Variants in UBP1 observed in about 807,000 individuals in gnomAD.
The protein encoded by UBP1 is upstream binding protein 1.
Under a neutral mutation model 76.1 loss-of-function variants are expected in UBP1, and 22 were observed. The observed-to-expected ratio is 0.29, with a 90% CI of 0.21 to 0.41. UBP1 has a LOEUF of 0.41. Among genes scored for constraint, UBP1 ranks in the 10% least tolerant of loss-of-function variants. The pLI is 1.00. For missense variants in UBP1, 436 were observed against 668.1 expected, an observed-to-expected ratio of 0.65 and a Z score of 3.83; for synonymous variants, 224 against 237.1, an observed-to-expected ratio of 0.94 and a Z score of 0.51.
intron 5 of UBP1, among the ~76,000 whole-genome samples, chr3:33,411,117 C>CG (rs1242441108): frequency 6.7e-6 from 1 of 149,154 alleles, no homozygotes. Flanking sequence ...TAAAAGGGGG[C>CG]GGAAACTACT....
At chr3:33,414,389 T>G (rs963209725) in intron 3 of UBP1, among the ~76,000 whole-genome samples, 1 of 152,134 alleles carries the variant, frequency 6.6e-6, no homozygotes, top group African/African-American at 2.4e-5. Flanking sequence ...TTTTCAGAAC[T>G]AGCAACATGT....
At chr3:33,421,159 G>C (rs1351782119) in intron 2 of UBP1, among the ~76,000 whole-genome samples, 1 of 152,218 alleles carries the variant, frequency 6.6e-6, no homozygotes, top group African/African-American at 2.4e-5. Flanking sequence ...CAAAGGGAAA[G>C]CCAGCTATGT....
Position 33,394,817 on chromosome 3 carries a change from GTTTT to G in UBP1, c.1390+1341_1390+1344del, listed in dbSNP as rs76142927. ...ATGGGCCAATTCCTGCCCTCCACTTGTTTTTTTTTTTTTTTTTTTTAAATAAAGT... is the reference window on the plus strand; with the variant it reads ...ATGGGCCAATTCCTGCCCTCCACTTGTTTTTTTTTTTTTTTTAAATAAAGT... On this transcript the variant is annotated intron_variant, in intron 13 of 15. Transcript: ENST00000283629. 1.0e-4 allele frequency among the ~76,000 whole-genome samples: 11 copies of G among 110,444 alleles called. No homozygotes were observed. In the East Asian group the frequency reaches 1.0e-3, roughly 10 times the overall value. 72.5% of individuals were successfully genotyped at this position (110,444 alleles called of 152,430 possible).
intron 2 of UBP1, among the ~76,000 whole-genome samples, chr3:33,421,085 G>C (rs1375604334): frequency 6.6e-6 from 1 of 152,196 alleles, no homozygotes; most frequent in Non-Finnish European, 1.5e-5. Flanking sequence ...AGGTGTGGAA[G>C]CATCACAGGC....
rs912374579 is a variant in UBP1, at chr3:33,388,470, C to T, written c.*1861G>A. On this transcript the variant is annotated 3_prime_UTR_variant, in exon 16 of 16. Transcript: ENST00000283629. ...TGGGACAAACTCACGTTCAATGCCA[C>T]TCAGTATAATTTCAAGTCTGATAAG... 2.0e-5 allele frequency: 3 copies of T among 152,604 alleles called. No individual in the cohort carries two copies. Among genetic ancestry groups the T allele is most frequent in the African/African-American group, 4.8e-5 (2 of 41,442 alleles). 9.5% of individuals were successfully genotyped at this position (152,604 alleles called of 1,614,324 possible). A position where few individuals can be genotyped will look rare whatever the true frequency, so the allele number is the denominator to read the frequency against.
chr3:33,409,060 G>GA (rs1483860802), intron 7 of UBP1, among the ~76,000 whole-genome samples, 176 bp downstream of exon 7: 2 of 152,082 alleles, frequency 1.3e-5, no homozygotes, highest in Non-Finnish European at 2.9e-5. Context: ...TCCCACCCAG[G>GA]AAACAGTCTA....
At chr3:33,405,913 T>C (rs1477053481) in intron 8 of UBP1, among the ~76,000 whole-genome samples, 3 of 152,096 alleles carry the variant, frequency 2.0e-5, no homozygotes, top group Non-Finnish European at 2.9e-5. Flanking sequence ...TCAAAAGCAA[T>C]GGATACATGG....
At chr3:33,397,839 T>C (rs1367520786) in intron 11 of UBP1, 2 of 152,200 alleles carry the variant, frequency 1.3e-5, no homozygotes, top group Admixed American at 6.5e-5. Flanking sequence ...TTGACACTTT[T>C]AAAAATTCTA....
chr3:33,430,024 G>C (rs1228643916), intron 1 of UBP1, among the ~76,000 whole-genome samples: 1 of 152,192 alleles, frequency 6.6e-6, no homozygotes, highest in South Asian at 2.1e-4. Flanking sequence ...ACAACATAGA[G>C]AACTGTTTAG....
chr3:33,400,041 G>C, intron 11 of UBP1, 148 bp downstream of exon 11: 1 of 446,638 alleles, frequency 2.2e-6, no homozygotes, highest in Non-Finnish European at 3.8e-6. Context: ...TCCTATTGGG[G>C]GATAGATATA....
Position 33,397,048 on chromosome 3 carries a change from G to T in UBP1, c.1268C>A (p.Ser423Ter). The T allele has an allele frequency of 6.3e-7, 1 of 1,589,384 alleles. No individual in the cohort carries two copies. The highest frequency in any genetic ancestry group is 1.2e-5 in the South Asian group (1 of 86,730). ...AAAACAGTTCACAGTATTTTACCTT[G>T]ACTTCAGTGAATTATAGAGCCGAAT... ...DGIRLYNSLK[S>*]RSVRPRLTIY... is the part of the protein sequence containing the mutation. Residue 423 changes from serine to a stop codon, truncating the protein, a stop_gained, in exon 12 of 16, where the codon TCA (serine) becomes TAA (stop). Transcript: ENST00000283629. LOFTEE classifies it high-confidence loss of function.
intron 2 of UBP1, among the ~76,000 whole-genome samples, chr3:33,418,791 G>A (rs369948048): frequency 2.0e-5 from 3 of 150,634 alleles, no homozygotes; most frequent in Non-Finnish European, 4.4e-5. Flanking sequence ...CCTGGGAGGC[G>A]GAGGTTGCAG....
chr3:33,393,495 A>C (rs774152385), intron 13 of UBP1, 41 bp from the exon 14 acceptor site: 40 of 1,572,044 alleles, frequency 2.5e-5, no homozygotes, highest in Non-Finnish European at 3.4e-5. Flanking sequence ...TTTAACAGTA[A>C]TCTTTGATCT....
chr3:33,401,404 AT>A (rs2044224427), intron 9 of UBP1, among the ~76,000 whole-genome samples: 1 of 152,260 alleles, frequency 6.6e-6, no homozygotes, highest in Admixed American at 6.5e-5. Flanking sequence ...TGCAAAAAAA[AT>A]GAGCTACAAG....
rs139223374 is a variant in UBP1, at chr3:33,419,404, C to T, written c.266-2570G>A. Among the ~76,000 whole-genome samples the T allele has an allele frequency of 2.2e-3, 327 of 151,734 alleles. 2 individuals carry two copies. The highest frequency in any genetic ancestry group is 3.3e-3 in the Non-Finnish European group (222 of 67,884). On this transcript the variant is annotated intron_variant, in intron 2 of 15. Coordinates refer to ENST00000283629, the MANE Select transcript of UBP1 (RefSeq NM_014517.5). ...TAGCACTTTGGGAGGCTGAGGTGGG[C>T]GGATCACGAGGTCAGGAGTTTGAGA...
At chr3:33,413,670 G>A (rs1301988425) in intron 3 of UBP1, among the ~76,000 whole-genome samples, 3 of 152,072 alleles carry the variant, frequency 2.0e-5, no homozygotes, top group African/African-American at 7.2e-5. Context: ...GCTCATGCCT[G>A]TAATCCCAGC....
At chr3:33,420,983 G>A (rs1330822700) in intron 2 of UBP1, among the ~76,000 whole-genome samples, 1 of 152,216 alleles carries the variant, frequency 6.6e-6, no homozygotes, top group Non-Finnish European at 1.5e-5. Context: ...GGACTAACAA[G>A]GAGAAATTCT....
Position 33,440,011 on chromosome 3 carries a change from G to T in UBP1, c.-163C>A. On this transcript the variant is annotated 5_prime_UTR_variant, in exon 1 of 16. Coordinates refer to ENST00000283629, the MANE Select transcript of UBP1 (RefSeq NM_014517.5). Reference sequence around the variant, plus strand: ...GGACGAGAGCTGCGGGGGCCCCACTGGCAGGGCACGACGAGCCCAGCGAGC... The same window carrying T: ...GGACGAGAGCTGCGGGGGCCCCACTTGCAGGGCACGACGAGCCCAGCGAGC... 1.6e-6 allele frequency: 1 copy of T among 638,852 alleles called. No homozygotes were observed. The highest frequency in any genetic ancestry group is 2.5e-6 in the Non-Finnish European group (1 of 400,896). The allele number at this position is 638,852 out of a possible 1,614,324, so 39.6% of individuals were successfully genotyped here. A position where few individuals can be genotyped will look rare whatever the true frequency, so the allele number is the denominator to read the frequency against.
intron 11 of UBP1, among the ~76,000 whole-genome samples, chr3:33,399,776 T>A (rs1461051926): frequency 6.6e-6 from 1 of 152,206 alleles, no homozygotes; most frequent in Non-Finnish European, 1.5e-5. Flanking sequence ...GTTGTGCCAA[T>A]GTCAGTTTCC....
Sources: allele counts gnomAD v4.1 joint callset (sites outside exome capture counted in the v4.1 genomes callset), GRCh38; gene constraint gnomAD v4.1.1; transcripts MANE v1.5; gene names NCBI Gene and HGNC (gene_info 2026-07-23, HGNC 2026-07-21).